DNAH5: variants seen among roughly 807,000 people sequenced by gnomAD.
The protein encoded by DNAH5 is dynein axonemal heavy chain 5, also known as axonemal beta dynein heavy chain 5.
In DNAH5, 372 loss-of-function variants were observed where a neutral mutation model predicts 518.2. The observed-to-expected ratio is 0.72, with a 90% CI of 0.66 to 0.78. The LOEUF (loss-of-function observed/expected upper bound fraction) is 0.78, where lower values mean the gene tolerates loss of function less well. DNAH5 is among the 30% of genes least tolerant of loss of function. The probability of loss-of-function intolerance (pLI) is 0.00; values close to 1 mark genes in which losing one functional copy is unlikely to be tolerated. For missense variants in DNAH5, 5,523 were observed against 5,687.0 expected (o/e 0.97, Z 0.93); for synonymous variants, 2,039 against 2,025.9 (o/e 1.01, Z -0.17).
intron 69 of DNAH5, among the ~76,000 whole-genome samples, chr5:13,728,566 G>A (rs1473741480): frequency 6.6e-6 from 1 of 152,102 alleles, no homozygotes; most frequent in Admixed American, 6.6e-5. Context: ...AGGCCACTGG[G>A]GGTAATCCTA....
chr5:13,714,867 A>C (rs1744082303), intron 74 of DNAH5, among the ~76,000 whole-genome samples: 1 of 152,194 alleles, frequency 6.6e-6, no homozygotes, highest in Non-Finnish European at 1.5e-5. Context: ...AAATTTAATC[A>C]AGAGAGACTG....
chr5:13,733,441 G>C (rs754367141), intron 68 of DNAH5, among the ~76,000 whole-genome samples: 5 of 152,150 alleles, frequency 3.3e-5, no homozygotes, highest in African/African-American at 4.8e-5. Context: ...AGAAACGGGG[G>C]ACTAGAGTCA....
chr5:13,794,542 A>T (rs1003123760), intron 47 of DNAH5, among the ~76,000 whole-genome samples: 29 of 152,332 alleles, frequency 1.9e-4, no homozygotes, highest in African/African-American at 6.5e-4. Flanking sequence ...TCTTTTGGGC[A>T]GATGCAGTTA....
intron 35 of DNAH5, among the ~76,000 whole-genome samples, chr5:13,834,945 C>T (rs535493125): frequency 2.0e-5 from 3 of 152,244 alleles, no homozygotes; most frequent in East Asian, 1.9e-4. Flanking sequence ...ACAGACTGTA[C>T]GAGGACAACG....
intron 39 of DNAH5, 24 bp from the exon 40 acceptor site, chr5:13,823,394 A>C: frequency 6.7e-7 from 1 of 1,481,566 alleles, no homozygotes; most frequent in African/African-American, 1.4e-5. Context: ...ATGGGAAATC[A>C]GACCAATTAT....
chr5:13,816,983 A>G (rs1761532311), intron 42 of DNAH5, among the ~76,000 whole-genome samples: 1 of 152,220 alleles, frequency 6.6e-6, no homozygotes, highest in African/African-American at 2.4e-5. Context: ...ATTGGGTTCA[A>G]TTTACAAAGT....
intron 66 of DNAH5, among the ~76,000 whole-genome samples, chr5:13,736,548 C>G (rs370612927): frequency 6.7e-6 from 1 of 148,858 alleles, no homozygotes; most frequent in Non-Finnish European, 1.5e-5. Flanking sequence ...GCGCCCACCA[C>G]CATGCCTGGC....
At chr5:13,845,103 T>A in intron 31 of DNAH5, 110 bp from the exon 32 acceptor site, 1 of 1,073,556 alleles carries the variant, frequency 9.3e-7, no homozygotes, top group Non-Finnish European at 1.4e-6. Flanking sequence ...CTTGTGACAA[T>A]CTGATTTTCC....
chr5:13,806,442 G>A (rs1298535692), intron 47 of DNAH5, among the ~76,000 whole-genome samples: 1 of 152,146 alleles, frequency 6.6e-6, no homozygotes, highest in African/African-American at 2.4e-5. Flanking sequence ...GCACTCCGCT[G>A]TCACCAATTA....
chr5:13,959,951 A>C (rs989368571), intron 1 of DNAH5, among the ~76,000 whole-genome samples: 3 of 152,004 alleles, frequency 2.0e-5, no homozygotes, highest in Non-Finnish European at 2.9e-5. Flanking sequence ...CTGGGCAACA[A>C]GAGCTAAACT....
intron 1 of DNAH5, among the ~76,000 whole-genome samples, chr5:13,978,647 C>A (rs1050104926): frequency 6.6e-6 from 1 of 152,162 alleles, no homozygotes; most frequent in Non-Finnish European, 1.5e-5. Flanking sequence ...TACTTACCAT[C>A]GTGTTACAGC....
At chr5:13,918,579 T>G (rs1394570394) in intron 7 of DNAH5, among the ~76,000 whole-genome samples, 1 of 152,192 alleles carries the variant, frequency 6.6e-6, no homozygotes, top group Non-Finnish European at 1.5e-5. Context: ...CAAGCGATTC[T>G]TCTGCCTCAG....
rs745321705 is a variant in DNAH5 at position 13,870,946 on chromosome 5, G to A, written c.3655C>T (p.Arg1219Cys). 5.6e-5 allele frequency: 90 copies of A among 1,613,526 alleles called. 1 individual carries two copies. Among genetic ancestry groups the A allele is most frequent in the Non-Finnish European group, 6.9e-5 (81 of 1,179,804 alleles). Reference protein sequence around the residue: ...ETKAWMVVIGRHCNKKYRSEM... With the variant: ...ETKAWMVVIGCHCNKKYRSEM... ...CTCCGGTATTTTTTGTTACAGTGGC[G>A]TCCAATGACAACCATCCAGGCCTTT... The change falls in exon 24 of 79, where the codon CGC (arginine) becomes TGC (cysteine). Residue 1219 changes from arginine to cysteine, a missense_variant. Arg to Cys is a radical substitution (Grantham distance 180). Coordinates refer to ENST00000265104, the MANE Select transcript of DNAH5 (RefSeq NM_001369.3).
At chr5:13,886,345 G>A (rs1772434919) in intron 17 of DNAH5, among the ~76,000 whole-genome samples, 1 of 151,414 alleles carries the variant, frequency 6.6e-6, no homozygotes, top group Admixed American at 6.6e-5. Context: ...CAGTGTAGAT[G>A]GACCAAAATT....
At position 13,741,022 on chromosome 5, in the gene DNAH5, C is replaced by G. The variant is rs146778784; in HGVS notation, c.11212-3527G>C. On this transcript the variant is annotated intron_variant, in intron 65 of 78. Coordinates refer to ENST00000265104, the MANE Select transcript of DNAH5 (RefSeq NM_001369.3). The stretch of plus-strand genomic sequence containing the variant: ...CGTAGTAGGCACTCCATTAACACTG[C>G]AGATTGAATGATTAAATGTTGCATC... Among the ~76,000 whole-genome samples the G allele has an allele frequency of 3.6e-3, 549 of 152,286 alleles. 2 individuals carry two copies. Among genetic ancestry groups the G allele is most frequent in the Middle Eastern group, 0.031 (9 of 294 alleles).
upstream of DNAH5, among the ~76,000 whole-genome samples, chr5:13,948,386 G>A (rs1780100177): frequency 6.6e-6 from 1 of 152,100 alleles, no homozygotes; most frequent in African/African-American, 2.4e-5. Flanking sequence ...ATGGACAGGT[G>A]TTTTTCCTTC....
Position 13,769,481 on chromosome 5 carries a change from A to C in DNAH5, c.9720+20T>G, listed in dbSNP as rs752153203. On this transcript the variant is annotated intron_variant, in intron 57 of 78. Coordinates refer to ENST00000265104, the MANE Select transcript of DNAH5 (RefSeq NM_001369.3). ...TGAGAATTCAAAAGGAATGTGGCACATGTGTAAATGCCCACCCACCATGTC... is the reference window on the plus strand; with the variant it reads ...TGAGAATTCAAAAGGAATGTGGCACCTGTGTAAATGCCCACCCACCATGTC... The C allele has an allele frequency of 6.3e-7, 1 of 1,588,358 alleles. No homozygotes were observed. Among genetic ancestry groups the C allele is most frequent in the Non-Finnish European group, 8.6e-7 (1 of 1,156,492 alleles).
chr5:13,698,408 G>A (rs1395047619), intron 78 of DNAH5, among the ~76,000 whole-genome samples: 1 of 152,100 alleles, frequency 6.6e-6, no homozygotes, highest in Admixed American at 6.6e-5. Context: ...ATTAACAAAC[G>A]CCAAGCCATT....
chr5:13,723,563 T>C (rs1745330760), intron 70 of DNAH5, among the ~76,000 whole-genome samples: 1 of 152,350 alleles, frequency 6.6e-6, no homozygotes, highest in South Asian at 2.1e-4. Flanking sequence ...ATGGTAAATA[T>C]TTTAGACTTT....
Sources: allele counts gnomAD v4.1 joint callset (sites outside exome capture counted in the v4.1 genomes callset), GRCh38; gene constraint gnomAD v4.1.1; transcripts MANE v1.5; gene names NCBI Gene and HGNC (gene_info 2026-07-23, HGNC 2026-07-21).